CSMD1: variants seen among roughly 807,000 people sequenced by gnomAD.
CSMD1 encodes the protein CUB and Sushi multiple domains 1.
Under a neutral mutation model 417.5 loss-of-function variants are expected in CSMD1, and 213 were observed. The observed-to-expected ratio is 0.51, with a 90% CI of 0.46 to 0.57. CSMD1 has a LOEUF of 0.57. Ranked by LOEUF, CSMD1 falls within the 20% of genes least tolerant of loss-of-function variation. The probability of loss-of-function intolerance (pLI) is 0.00; values close to 1 mark genes in which losing one functional copy is unlikely to be tolerated. For missense variants in CSMD1, 6,923 were observed against 4,529.7 expected (o/e 1.53, Z -15.17); for synonymous variants, 2,862 against 1,736.8 (o/e 1.65, Z -16.11).
intron 1 of CSMD1, among the ~76,000 whole-genome samples, chr8:4,856,291 G>C (rs1338429508): frequency 3.5e-5 from 5 of 143,848 alleles, no homozygotes; most frequent in Non-Finnish European, 6.1e-5. Context: ...TGAACAAACG[G>C]TACCAGCTGC....
At chr8:4,200,302 G>A (rs554911567) in intron 3 of CSMD1, among the ~76,000 whole-genome samples, 1 of 152,046 alleles carries the variant, frequency 6.6e-6, no homozygotes, top group African/African-American at 2.4e-5. Flanking sequence ...TGTTAATTAT[G>A]CTTAGAGTGT....
intron 1 of CSMD1, chr8:4,788,391 G>A (rs368267094): frequency 1.4e-6 from 2 of 1,403,788 alleles, no homozygotes; most frequent in Non-Finnish European, 2.0e-6. Flanking sequence ...GGGAGCTCAG[G>A]ATGTGTGGTC....
intron 23 of CSMD1, among the ~76,000 whole-genome samples, chr8:3,311,524 A>G (rs376036758): frequency 6.6e-6 from 1 of 151,160 alleles, no homozygotes; most frequent in Admixed American, 6.6e-5. Flanking sequence ...TGCTGGAATT[A>G]TAAGCATGAG....
intron 7 of CSMD1, among the ~76,000 whole-genome samples, chr8:3,668,106 A>T (rs1332585939): frequency 6.6e-6 from 1 of 152,056 alleles, no homozygotes; most frequent in Non-Finnish European, 1.5e-5. Flanking sequence ...CTAGAAGGCA[A>T]TGGGGAGAGA....
rs566854181 is a variant in CSMD1 at position 4,413,175 on chromosome 8, C to A, written c.415+6778G>T. Among the ~76,000 whole-genome samples the A allele has an allele frequency of 1.5e-3, 224 of 152,254 alleles. 1 individual carries two copies. The highest frequency in any genetic ancestry group is 4.8e-3 in the African/African-American group (201 of 41,548). ...TGGACCAGAATAATCAGAGTTAACA[C>A]CTTAAATTCACAAACATCCCAGGGA... On this transcript the variant is annotated intron_variant, in intron 3 of 69. Coordinates refer to ENST00000635120, the MANE Select transcript of CSMD1 (RefSeq NM_033225.6).
At chr8:4,865,788 A>G (rs978429548) in intron 1 of CSMD1, among the ~76,000 whole-genome samples, 2 of 151,858 alleles carry the variant, frequency 1.3e-5, no homozygotes, top group Non-Finnish European at 2.9e-5. Flanking sequence ...CAATCTATGC[A>G]TTGCCCAGTT....
At chr8:3,497,003 T>A (rs1015575434) in intron 10 of CSMD1, among the ~76,000 whole-genome samples, 3 of 152,210 alleles carry the variant, frequency 2.0e-5, no homozygotes, top group African/African-American at 2.4e-5. Flanking sequence ...TCAAAAAATA[T>A]ACTTGATATG....
At chr8:4,010,388 T>C (rs77970403) in intron 4 of CSMD1, among the ~76,000 whole-genome samples, 13,120 of 152,206 alleles carry the variant, frequency 0.086, 621 homozygotes, top group Middle Eastern at 0.15. Flanking sequence ...TCTGTCAGCC[T>C]CTTCACCTCT....
intron 3 of CSMD1, among the ~76,000 whole-genome samples, chr8:4,176,195 A>G (rs1356618067): frequency 6.6e-6 from 1 of 151,802 alleles, no homozygotes; most frequent in African/African-American, 2.4e-5. Flanking sequence ...AACCACATCC[A>G]CCCTGTTGGA....
At chr8:4,446,424 T>G (rs1798792414) in intron 2 of CSMD1, among the ~76,000 whole-genome samples, 3 of 152,122 alleles carry the variant, frequency 2.0e-5, no homozygotes, top group Non-Finnish European at 4.4e-5. Flanking sequence ...GGTGCACACC[T>G]GTAGTCCCCG....
chr8:4,345,179 T>A (rs564275848), intron 3 of CSMD1, among the ~76,000 whole-genome samples: 2 of 152,268 alleles, frequency 1.3e-5, no homozygotes, highest in African/African-American at 4.8e-5. Flanking sequence ...TCCACTTACA[T>A]GCAAGACATC....
chr8:4,572,854 A>G (rs1798952935), intron 2 of CSMD1, among the ~76,000 whole-genome samples: 1 of 151,824 alleles, frequency 6.6e-6, no homozygotes. Flanking sequence ...TTCATGCTTT[A>G]TTTCATTAAG....
intron 26 of CSMD1, among the ~76,000 whole-genome samples, chr8:3,255,302 G>T (rs749750124): frequency 1.8e-4 from 28 of 152,122 alleles, no homozygotes; most frequent in Non-Finnish European, 2.9e-5. Flanking sequence ...TCCCAGTTAG[G>T]CTTCTCGGGG....
intron 1 of CSMD1, among the ~76,000 whole-genome samples, chr8:4,651,109 A>G (rs1803864137): frequency 6.6e-6 from 1 of 152,210 alleles, no homozygotes; most frequent in Non-Finnish European, 1.5e-5. Flanking sequence ...TGCCAAGCGA[A>G]TGGCAGCAAA....
At chr8:3,566,372 A>G (rs938778606) in intron 10 of CSMD1, among the ~76,000 whole-genome samples, 5 of 152,156 alleles carry the variant, frequency 3.3e-5, no homozygotes, top group Non-Finnish European at 5.9e-5. Flanking sequence ...GGATAGAGTT[A>G]ATACAAAAGG....
intron 3 of CSMD1, among the ~76,000 whole-genome samples, chr8:4,289,483 A>T (rs987606685): frequency 1.3e-5 from 2 of 152,196 alleles, no homozygotes; most frequent in Non-Finnish European, 2.9e-5. Context: ...CCAGATTTGG[A>T]CCACATAAAC....
At chr8:4,351,096 A>T (rs935720163) in intron 3 of CSMD1, among the ~76,000 whole-genome samples, 1 of 152,050 alleles carries the variant, frequency 6.6e-6, no homozygotes, top group South Asian at 2.1e-4. Context: ...AAGCCAGAGG[A>T]TCGCCTGAGC....
chr8:3,847,007 G>C (rs529909444), intron 5 of CSMD1, among the ~76,000 whole-genome samples: 2 of 152,208 alleles, frequency 1.3e-5, no homozygotes, highest in Non-Finnish European at 1.5e-5. Flanking sequence ...GAATTTTCCA[G>C]ATCCACAGCA....
chr8:3,838,407 T>A (rs28403508), intron 5 of CSMD1, among the ~76,000 whole-genome samples: 1 of 149,200 alleles, frequency 6.7e-6, no homozygotes, highest in Non-Finnish European at 1.5e-5. Context: ...CCTATATATA[T>A]AGAGAGAGAC....
Sources: allele counts gnomAD v4.1 joint callset (sites outside exome capture counted in the v4.1 genomes callset), GRCh38; gene constraint gnomAD v4.1.1; transcripts MANE v1.5; gene names NCBI Gene and HGNC (gene_info 2026-07-23, HGNC 2026-07-21).